The following SLCO3A1 variants were observed in gnomAD, a reference collection of about 807,000 sequenced individuals.
SLCO3A1 encodes the protein PGE1 transporter.
SLCO3A1 carries 27 observed loss-of-function variants against 63.1 expected under a neutral mutation model. That is an observed-to-expected ratio of 0.43 (90% CI 0.32 to 0.59). SLCO3A1 has a LOEUF of 0.59. Ranked by LOEUF, SLCO3A1 falls within the 20% of genes least tolerant of loss-of-function variation. SLCO3A1 has a pLI of 0.09. For synonymous variants in SLCO3A1, 473 were observed against 409.9 expected (o/e 1.15, Z -1.86); for missense variants, 773 against 945.8 (o/e 0.82, Z 2.40).
In SLCO3A1 at chr15:91,948,442, G is replaced by A. The variant is rs1040477771; in HGVS notation, c.646+31984G>A. ...AGCCTACAGGCTCTGTAGGAGTGCC[G>A]GCATGCACACAGCACCACCTGGGTG... On this transcript the variant is annotated intron_variant, in intron 2 of 9. Coordinates refer to ENST00000318445, the MANE Select transcript of SLCO3A1 (RefSeq NM_013272.4). This position sits in a 1 kb window ranked among gnomAD's most constrained non-coding sequence, Gnocchi z 4.8. Among the ~76,000 whole-genome samples, 15 of 152,144 alleles carry A rather than the reference G, an allele frequency of 9.9e-5. No homozygotes were observed. The highest frequency in any genetic ancestry group is 1.8e-4 in the Non-Finnish European group (12 of 68,038).
At position 91,862,755 on chromosome 15, in the gene SLCO3A1, G is replaced by A. The variant is rs747251111; in HGVS notation, c.180+8667G>A. Among the ~76,000 whole-genome samples the A allele has an allele frequency of 1.6e-4, 25 of 152,336 alleles. No individual in the cohort carries two copies. The highest frequency in any genetic ancestry group is 3.4e-3 in the Middle Eastern group (1 of 294). ...CCTGCTCACAAAACTACAGGAATTT[G>A]AGGGAGTTAGAAGTGATTATTTTTA... On this transcript the variant is annotated intron_variant, in intron 1 of 9. Transcript: ENST00000318445. The surrounding 1 kb of genome is among the most constrained non-coding windows in gnomAD (Gnocchi z 4.0).
At position 91,916,425 on chromosome 15, in the gene SLCO3A1, C is replaced by T. The variant is rs1186727121; in HGVS notation, c.613C>T (p.His205Tyr). The stretch of plus-strand genomic sequence containing the variant: ...CCTGGGCGTCTCCTACATCGACGAC[C>T]ACGTGCGGAGGAAGGACTCCTCGCT... The part of the protein sequence containing the change: ...QPLGVSYIDD[H>Y]VRRKDSSLYI... The change falls in exon 2 of 10, where the codon CAC (histidine) becomes TAC (tyrosine). Residue 205 changes from histidine to tyrosine, a missense_variant. His to Tyr is a moderately conservative substitution (Grantham distance 83). Coordinates refer to ENST00000318445, the MANE Select transcript of SLCO3A1 (RefSeq NM_013272.4). This position sits in a 1 kb window ranked among gnomAD's most constrained non-coding sequence, Gnocchi z 6.2. 3 of 1,612,432 alleles carry T rather than the reference C, an allele frequency of 1.9e-6. No individual in the cohort carries two copies. The highest frequency in any genetic ancestry group is 1.1e-5 in the South Asian group (1 of 90,698).
chr15:91,972,221 T>G (rs1900903379), intron 2 of SLCO3A1, among the ~76,000 whole-genome samples: 1 of 152,098 alleles, frequency 6.6e-6, no homozygotes, highest in African/African-American at 2.4e-5. Context: ...GATTATACCT[T>G]CAGACAGGTG....
chr15:91,881,800 C>G (rs941726899), intron 1 of SLCO3A1, among the ~76,000 whole-genome samples: 1 of 152,174 alleles, frequency 6.6e-6, no homozygotes, highest in Non-Finnish European at 1.5e-5. Context: ...CTGGCCCAGA[C>G]TTTAGGAGAT....
At chr15:92,039,930 T>G (rs2151486720) in intron 2 of SLCO3A1, among the ~76,000 whole-genome samples, 1 of 152,300 alleles carries the variant, frequency 6.6e-6, no homozygotes, top group African/African-American at 2.4e-5. Context: ...TGGATGAAGC[T>G]GGAAGCCATC....
intron 2 of SLCO3A1, among the ~76,000 whole-genome samples, chr15:92,082,056 A>G (rs796417565): frequency 1.3e-5 from 2 of 152,358 alleles, no homozygotes; most frequent in African/African-American, 4.8e-5. Context: ...ATTCTATTAC[A>G]CAGTGTCTAA....
chr15:92,163,825 T>C lies in SLCO3A1; in HGVS notation c.*690T>C. ...TAATTGGCACCTCTCACCAGCTCCA[T>C]TTCCATGTTCAAGACTGAGGGCCTG... is the stretch of plus-strand genomic sequence containing the variant. On this transcript the variant is annotated 3_prime_UTR_variant, in exon 10 of 10. Transcript: ENST00000318445. 1.0e-6 allele frequency: 1 copy of C among 985,404 alleles called. No homozygotes were observed. The highest frequency in any genetic ancestry group is 1.2e-6 in the Non-Finnish European group (1 of 829,992). The allele number at this position is 985,404 out of a possible 1,614,324, so 61.0% of individuals were successfully genotyped here. A position where few individuals can be genotyped will look rare whatever the true frequency, so the allele number is the denominator to read the frequency against.
intron 2 of SLCO3A1, among the ~76,000 whole-genome samples, chr15:92,029,468 C>T (rs2046618781): frequency 6.6e-6 from 1 of 152,212 alleles, no homozygotes; most frequent in Non-Finnish European, 1.5e-5. Context: ...CATCTTTTAC[C>T]TACTTAAACG....
chr15:92,070,167 G>C (rs573337608), intron 2 of SLCO3A1, among the ~76,000 whole-genome samples: 3 of 152,314 alleles, frequency 2.0e-5, no homozygotes, highest in African/African-American at 4.8e-5. Flanking sequence ...TGAGCATCTC[G>C]AAGTTTCCTG....
In SLCO3A1 at chr15:91,916,571, A is replaced by G; in HGVS notation, c.646+113A>G. The G allele has an allele frequency of 1.3e-6, 1 of 767,838 alleles. No homozygotes were observed. The highest frequency in any genetic ancestry group is 2.1e-6 in the Non-Finnish European group (1 of 486,390). 47.6% of individuals were successfully genotyped at this position (767,838 alleles called of 1,614,324 possible). A position where few individuals can be genotyped will look rare whatever the true frequency, so the allele number is the denominator to read the frequency against. ...AGTACTGGTTCTCAGACTTGGCTGC[A>G]CACCTAGTGTTCTTGAAAAATACTC... On this transcript the variant is annotated intron_variant, in intron 2 of 9. Coordinates refer to ENST00000318445, the MANE Select transcript of SLCO3A1 (RefSeq NM_013272.4). This position sits in a 1 kb window ranked among gnomAD's most constrained non-coding sequence, Gnocchi z 6.2.
In SLCO3A1 at chr15:91,854,318, G is replaced by T; in HGVS notation, c.180+230G>T. 8.8e-7 allele frequency: 1 copy of T among 1,140,810 alleles called. No homozygotes were observed. The highest frequency in any genetic ancestry group is 1.1e-6 in the Non-Finnish European group (1 of 929,150). The allele number at this position is 1,140,810 out of a possible 1,614,324, so 70.7% of individuals were successfully genotyped here. On this transcript the variant is annotated intron_variant, in intron 1 of 9. Transcript: ENST00000318445. The surrounding 1 kb of genome is among the most constrained non-coding windows in gnomAD (Gnocchi z 6.4). The stretch of plus-strand genomic sequence containing the variant: ...TTGATGCCGGTAGCAGCTCGCGCGC[G>T]TCCGGCTGGGGCAGGGGGTGCCGGG...
intron 2 of SLCO3A1, among the ~76,000 whole-genome samples, chr15:92,023,965 T>C (rs2046540443): frequency 1.3e-5 from 2 of 152,194 alleles, no homozygotes; most frequent in South Asian, 4.1e-4. Flanking sequence ...TTCCTGAATA[T>C]CCTGGTGTCA....
At chr15:92,018,063 G>T (rs1027511332) in intron 2 of SLCO3A1, among the ~76,000 whole-genome samples, 1 of 152,230 alleles carries the variant, frequency 6.6e-6, no homozygotes, top group Non-Finnish European at 1.5e-5. Flanking sequence ...AGAAGGTGAT[G>T]ATGTGGTTGA....
At chr15:92,003,792 C>G (rs993356928) in intron 2 of SLCO3A1, among the ~76,000 whole-genome samples, 1 of 152,146 alleles carries the variant, frequency 6.6e-6, no homozygotes, top group African/African-American at 2.4e-5. Context: ...GAAGATGACA[C>G]CAGGTCAGCC....
intron 2 of SLCO3A1, among the ~76,000 whole-genome samples, chr15:91,974,438 C>G (rs575763173): frequency 1.3e-4 from 20 of 152,082 alleles, no homozygotes; most frequent in African/African-American, 2.2e-4. Flanking sequence ...CCAGAGGAGG[C>G]AACGGGCACC....
intron 4 of SLCO3A1, among the ~76,000 whole-genome samples, chr15:92,114,724 G>T (rs1300434491): frequency 6.6e-6 from 1 of 152,070 alleles, no homozygotes; most frequent in Non-Finnish European, 1.5e-5. Flanking sequence ...GGTCTCATGT[G>T]TTGGGAAGCT....
chr15:92,117,079 G>A (rs966004893), intron 4 of SLCO3A1, among the ~76,000 whole-genome samples: 1 of 152,180 alleles, frequency 6.6e-6, no homozygotes, highest in Non-Finnish European at 1.5e-5. Context: ...CGCTGAAGTG[G>A]AATTATCTCC....
At chr15:92,037,152 G>A (rs10520702) in intron 2 of SLCO3A1, among the ~76,000 whole-genome samples, 69,871 of 151,994 alleles carry the variant, frequency 0.46, 17,751 homozygotes, top group Admixed American at 0.66. Flanking sequence ...ATTCTCCATA[G>A]TTAGTTTCTC....
At chr15:91,986,787 T>C (rs2046059163) in intron 2 of SLCO3A1, among the ~76,000 whole-genome samples, 1 of 152,192 alleles carries the variant, frequency 6.6e-6, no homozygotes, top group Non-Finnish European at 1.5e-5. Flanking sequence ...TTTTTCATAG[T>C]TTTGATTTTG....
Sources: allele counts gnomAD v4.1 joint callset (sites outside exome capture counted in the v4.1 genomes callset), GRCh38; gene constraint gnomAD v4.1.1; non-coding constraint Gnocchi (gnomAD v3.1); transcripts MANE v1.5; gene names NCBI Gene and HGNC (gene_info 2026-07-23, HGNC 2026-07-21).